The following LINGO2 variants were observed in gnomAD, a reference collection of about 807,000 sequenced individuals.
LINGO2 encodes leucine rich repeat and Ig domain containing 2.
LINGO2 carries 14 observed loss-of-function variants against 30.6 expected under a neutral mutation model. The observed-to-expected ratio is 0.46, with a 90% CI of 0.30 to 0.72. LINGO2 has a LOEUF of 0.72. Among genes scored for constraint, LINGO2 ranks in the 30% least tolerant of loss-of-function variants. The pLI is 0.07. For synonymous variants in LINGO2, 317 were observed against 288.5 expected, an observed-to-expected ratio of 1.10 and a Z score of -1.00; for missense variants, 729 against 751.7, an observed-to-expected ratio of 0.97 and a Z score of 0.35.
intron 2 of LINGO2, among the ~76,000 whole-genome samples, chr9:28,385,986 T>A (rs939623902): frequency 1.3e-5 from 2 of 152,304 alleles, no homozygotes; most frequent in African/African-American, 4.8e-5. Flanking sequence ...TCAGACATGA[T>A]AGCAGCAGAT....
At chr9:28,568,702 G>GA (rs1823519787) in intron 1 of LINGO2, among the ~76,000 whole-genome samples, 1 of 99,082 alleles carries the variant, frequency 1.0e-5, no homozygotes, top group African/African-American at 4.6e-5. Flanking sequence ...TGAAAATGCT[G>GA]AAAGAAAAAA....
intron 1 of LINGO2, among the ~76,000 whole-genome samples, chr9:28,541,588 G>T (rs1821701186): frequency 6.6e-6 from 1 of 152,234 alleles, no homozygotes; most frequent in South Asian, 2.1e-4. Context: ...GGGAAGCCAT[G>T]TCCACTAATT....
At chr9:28,500,412 G>C (rs1038055953) in intron 1 of LINGO2, among the ~76,000 whole-genome samples, 8 of 152,042 alleles carry the variant, frequency 5.3e-5, no homozygotes, top group Middle Eastern at 3.2e-3. Context: ...ATATTCACTA[G>C]AATTCTCAAA....
chr9:28,949,120 A>T, the LINGO2 span, among the ~76,000 whole-genome samples: 1 of 152,122 alleles, frequency 6.6e-6, no homozygotes, highest in African/African-American at 2.4e-5. Context: ...GTTTAGAGGG[A>T]AATTTATAGC....
At chr9:28,270,105 C>G (rs1822887844) in intron 4 of LINGO2, among the ~76,000 whole-genome samples, 1 of 152,032 alleles carries the variant, frequency 6.6e-6, no homozygotes, top group South Asian at 2.1e-4. Flanking sequence ...TGGCACTACC[C>G]CAGATCATCC....
the LINGO2 span, among the ~76,000 whole-genome samples, chr9:28,678,682 G>A: frequency 6.6e-6 from 1 of 152,018 alleles, no homozygotes; most frequent in South Asian, 2.1e-4. Flanking sequence ...CTCAGAACAG[G>A]GCTTTGCACA....
rs1162587493 is a variant in LINGO2, at chr9:28,587,680, A to AAGGGGAGGAAT, written c.-365+82509_-365+82519dup. 1.2e-3 allele frequency among the ~76,000 whole-genome samples: 181 copies of AAGGGGAGGAAT among 151,854 alleles called. 1 individual carries two copies. Among genetic ancestry groups the AAGGGGAGGAAT allele is most frequent in the African/African-American group, 4.2e-3 (175 of 41,450 alleles). On this transcript the variant is annotated intron_variant, in intron 1 of 5. Transcript: ENST00000379992. ...AAGCAAAGGTCATAGCAAAACTGAG[A>AAGGGGAGGAAT]AGGGGAGGAATAGATGCCACGTAGG...
intron 3 of LINGO2, among the ~76,000 whole-genome samples, chr9:28,321,978 A>G (rs938576452): frequency 6.6e-6 from 1 of 152,218 alleles, no homozygotes; most frequent in Non-Finnish European, 1.5e-5. Context: ...AATGAGATCC[A>G]TTTTGTAAAT....
chr9:29,153,119 G>A, the LINGO2 span, among the ~76,000 whole-genome samples: 4 of 152,228 alleles, frequency 2.6e-5, no homozygotes, highest in South Asian at 4.1e-4. Context: ...ACTATGGAAA[G>A]TACAGTTAAA....
intron 5 of LINGO2, among the ~76,000 whole-genome samples, chr9:27,994,833 A>G (rs1821576247): frequency 6.6e-6 from 1 of 152,104 alleles, no homozygotes; most frequent in African/African-American, 2.4e-5. Context: ...CCCAATGCAG[A>G]ACTCTCAGGG....
chr9:28,724,453 A>C, the LINGO2 span, among the ~76,000 whole-genome samples: 996 of 152,270 alleles, frequency 6.5e-3, 9 homozygotes, highest in South Asian at 0.03. Flanking sequence ...ACCCAACTTG[A>C]AGTTATAATT....
At chr9:28,602,090 G>T (rs866534048) in intron 1 of LINGO2, among the ~76,000 whole-genome samples, 1 of 152,134 alleles carries the variant, frequency 6.6e-6, no homozygotes, top group African/African-American at 2.4e-5. Flanking sequence ...ACAACAAGGA[G>T]GCTAAGAAAC....
intron 1 of LINGO2, among the ~76,000 whole-genome samples, chr9:28,559,588 T>G (rs1009506999): frequency 2.6e-5 from 4 of 152,134 alleles, no homozygotes; most frequent in Non-Finnish European, 5.9e-5. Flanking sequence ...TCTATTTTCT[T>G]GACCAAACAC....
the LINGO2 span, among the ~76,000 whole-genome samples, chr9:28,710,211 A>G: frequency 6.6e-6 from 1 of 151,564 alleles, no homozygotes; most frequent in Non-Finnish European, 1.5e-5. Context: ...GTTGCCTTGA[A>G]CCTTGCATTA....
At chr9:28,899,118 T>C in the LINGO2 span, among the ~76,000 whole-genome samples, 1 of 152,146 alleles carries the variant, frequency 6.6e-6, no homozygotes, top group South Asian at 2.1e-4. Flanking sequence ...CATCTGGGTA[T>C]ATCACAAAAA....
chr9:28,847,787 TAC>T, the LINGO2 span, among the ~76,000 whole-genome samples: 6 of 37,916 alleles, frequency 1.6e-4, no homozygotes, highest in African/African-American at 5.0e-4. Flanking sequence ...ATAGTATATA[TAC>T]ACATATATGT....
chr9:28,828,809 A>G, the LINGO2 span, among the ~76,000 whole-genome samples: 3 of 152,138 alleles, frequency 2.0e-5, no homozygotes, highest in African/African-American at 7.2e-5. Context: ...ACTGCCTTCA[A>G]GTACTAATAC....
chr9:28,827,323 T>G, the LINGO2 span, among the ~76,000 whole-genome samples: 1 of 152,168 alleles, frequency 6.6e-6, no homozygotes, highest in South Asian at 2.1e-4. Flanking sequence ...TTAGCTTAAG[T>G]CATCCTCCTT....
At chr9:27,954,539 G>C (rs750348867) in intron 5 of LINGO2, among the ~76,000 whole-genome samples, 8 of 151,988 alleles carry the variant, frequency 5.3e-5, no homozygotes, top group Non-Finnish European at 1.0e-4. Flanking sequence ...TTTCTTTTTG[G>C]TAGAATAGTA....
Sources: allele counts gnomAD v4.1 joint callset (sites outside exome capture counted in the v4.1 genomes callset), GRCh38; gene constraint gnomAD v4.1.1; transcripts MANE v1.5; gene names NCBI Gene and HGNC (gene_info 2026-07-23, HGNC 2026-07-21).